The following STX5 variants were observed in gnomAD, a reference collection of about 807,000 sequenced individuals.
The protein encoded by STX5 is syntaxin 5, also known as syntaxin-5.
A neutral mutation model predicts 42.9 loss-of-function variants in STX5; 15 were observed. The ratio of observed to expected loss-of-function variants is 0.35; its 90% CI spans 0.23 to 0.54. The LOEUF is 0.54. STX5 is among the 20% of genes least tolerant of loss of function. The pLI is 0.91. For synonymous variants in STX5, 184 were observed against 173.2 expected, an observed-to-expected ratio of 1.06 and a Z score of -0.49; for missense variants, 430 against 455.0, an observed-to-expected ratio of 0.95 and a Z score of 0.50.
At chr11:62,827,763 G>C (rs1190887530) in intron 2 of STX5, 132 bp from the exon 3 acceptor site, 1 of 926,482 alleles carries the variant, frequency 1.1e-6, no homozygotes, top group African/African-American at 1.6e-5. Context: ...ATTTATGAGT[G>C]GTAGTCGTTT....
chr11:62,809,983 C>A (rs12798919), intron 10 of STX5, among the ~76,000 whole-genome samples: 1 of 150,292 alleles, frequency 6.7e-6, no homozygotes, highest in East Asian at 2.0e-4. Context: ...GCACCTGTAA[C>A]CCCAGCTACT....
chr11:62,830,834 T>C (rs2084848494), intron 2 of STX5, among the ~76,000 whole-genome samples, 185 bp downstream of exon 2: 1 of 152,138 alleles, frequency 6.6e-6, no homozygotes, highest in African/African-American at 2.4e-5. Context: ...AAAGTCTAAG[T>C]CCTTGCCCCT....
Position 62,825,074 on chromosome 11 carries a change from G to A in STX5, c.641C>T (p.Ala214Val), listed in dbSNP as rs765980415. 2.5e-6 allele frequency: 4 copies of A among 1,613,766 alleles called. No homozygotes were observed. The East Asian group carries it at 8.9e-5, about 36-fold the overall frequency. The change falls in exon 8 of 11, where the codon GCA becomes GTA. Residue 214 changes from alanine (A) to valine (V), a missense_variant. Ala to Val is a moderately conservative substitution (Grantham distance 64). Coordinates refer to ENST00000294179, the MANE Select transcript of STX5 (RefSeq NM_003164.5). Reference sequence around the variant, plus strand: ...GGCAAGGGGCAGGGCTGACACAGGTGCCCGGGAGAACTGCTCTCTCCGGCT... The same window carrying A: ...GGCAAGGGGCAGGGCTGACACAGGTACCCGGGAGAACTGCTCTCTCCGGCT... ...QRSRREQFSRAPVSALPLAPN... is the reference protein window; with the variant it reads ...QRSRREQFSRVPVSALPLAPN...
At position 62,807,441 on chromosome 11, in the gene STX5, C is replaced by T; in HGVS notation, c.*28G>A. On this transcript the variant is annotated 3_prime_UTR_variant, in exon 11 of 11. Coordinates refer to ENST00000294179, the MANE Select transcript of STX5 (RefSeq NM_003164.5). ...GCCTTCCCAGGAGGGTCCCAAACCC[C>T]AACAGAGTGCCTCAGAGTAGAGAGG... 2 of 1,609,336 alleles carry T rather than the reference C, an allele frequency of 1.2e-6. No homozygotes were observed. The highest frequency in any genetic ancestry group is 1.7e-6 in the Non-Finnish European group (2 of 1,177,298).
At chr11:62,820,732 G>C (rs1453426011) in intron 10 of STX5, among the ~76,000 whole-genome samples, 1 of 151,360 alleles carries the variant, frequency 6.6e-6, no homozygotes, top group Non-Finnish European at 1.5e-5. Context: ...GGATGGTCTC[G>C]ATCTCCTGAC....
intron 10 of STX5, among the ~76,000 whole-genome samples, chr11:62,813,094 A>C (rs1158342548): frequency 9.5e-6 from 1 of 104,972 alleles, no homozygotes; most frequent in Non-Finnish European, 1.9e-5. Context: ...ACTCCGTCTC[A>C]AAAAAAAAAA....
chr11:62,830,905 C>T (rs899833970), intron 2 of STX5, 114 bp downstream of exon 2: 1 of 988,598 alleles, frequency 1.0e-6, no homozygotes, highest in Non-Finnish European at 1.6e-6. Flanking sequence ...CCATCCAAGC[C>T]TATCAGTTCC....
At chr11:62,819,256 A>G (rs1469583999) in intron 10 of STX5, among the ~76,000 whole-genome samples, 1 of 122,344 alleles carries the variant, frequency 8.2e-6, no homozygotes, top group African/African-American at 3.3e-5. Context: ...AAAAAAAAAA[A>G]GAAGGTGAAA....
intron 4 of STX5, 29 bp from the exon 5 acceptor site, chr11:62,827,254 G>A: frequency 6.2e-7 from 1 of 1,613,954 alleles, no homozygotes. Flanking sequence ...AGCCACAATG[G>A]GTGAGGTCAA....
chr11:62,832,011 C>T lies in STX5; in HGVS notation c.-77G>A, dbSNP rs750608205. On this transcript the variant is annotated 5_prime_UTR_variant, in exon 1 of 11. Coordinates refer to ENST00000294179, the MANE Select transcript of STX5 (RefSeq NM_003164.5). ...CCAATCTCACCGGCCGTCACTGCCT[C>T]CTCCCCGAGCACTGAAGCCGCCGAA... 2.1e-6 allele frequency: 1 copy of T among 472,992 alleles called. No individual in the cohort carries two copies. The highest frequency in any genetic ancestry group is 1.5e-5 in the South Asian group (1 of 64,724). The allele number at this position is 472,992 out of a possible 1,614,324, so 29.3% of individuals were successfully genotyped here.
At chr11:62,817,359 C>T (rs569637978) in intron 10 of STX5, among the ~76,000 whole-genome samples, 1 of 152,296 alleles carries the variant, frequency 6.6e-6, no homozygotes, top group East Asian at 1.9e-4. Context: ...GTTCTGCTTC[C>T]AGTAATGCCT....
chr11:62,824,485 G>T lies in STX5; in HGVS notation c.760C>A (p.Gln254Lys), dbSNP rs1300004602. ...TGCTCGTCAATGAGCTGCAGCTGCT[G>T]GCTGGTCCGAGAGTCCATCATGTCG... ...AIDMMDSRTSQQLQLIDEQDS... is the reference protein window; with the variant it reads ...AIDMMDSRTSKQLQLIDEQDS... Residue 254 changes from glutamine to lysine, a missense_variant, in exon 9 of 11, where the codon CAG becomes AAG. Physicochemically the swap from Gln to Lys is moderately conservative, Grantham distance 53. Transcript: ENST00000294179. 6.2e-7 allele frequency: 1 copy of T among 1,614,184 alleles called. No homozygotes were observed. Among genetic ancestry groups the T allele is most frequent in the Admixed American group, 1.7e-5 (1 of 60,018 alleles).
chr11:62,831,263 C>G lies in STX5; in HGVS notation c.-19-1G>C. 1 of 1,549,000 alleles carries G rather than the reference C, an allele frequency of 6.5e-7. No homozygotes were observed. The highest frequency in any genetic ancestry group is 2.4e-5 in the East Asian group (1 of 41,650). ...GATCATTGAGACGCATAACCTCGGA[C>G]TGTTGTGGAGGGGAGAGTGTCATTC... On this transcript the variant is annotated splice_acceptor_variant, in intron 1 of 10. Coordinates refer to ENST00000294179, the MANE Select transcript of STX5 (RefSeq NM_003164.5). LOFTEE classifies it low-confidence loss of function (5UTR_SPLICE).
intron 10 of STX5, among the ~76,000 whole-genome samples, chr11:62,817,794 G>C (rs1005013317): frequency 5.9e-5 from 9 of 151,970 alleles, no homozygotes; most frequent in African/African-American, 2.2e-4. Context: ...TTCACCAAAT[G>C]GGCTTAACAG....
chr11:62,824,805 T>A (rs1012103728), intron 8 of STX5, among the ~76,000 whole-genome samples: 4 of 152,098 alleles, frequency 2.6e-5, no homozygotes, highest in African/African-American at 9.7e-5. Context: ...CGAAAAAAAA[T>A]TAGAAATTAT....
chr11:62,824,041 G>GT lies in STX5; in HGVS notation c.908+124dup, dbSNP rs1158484144. 3 of 1,484,436 alleles carry GT rather than the reference G, an allele frequency of 2.0e-6. 1 individual carries two copies. Among genetic ancestry groups the GT allele is most frequent in the Non-Finnish European group, 9.2e-7 (1 of 1,088,820 alleles). 92.0% of individuals were successfully genotyped at this position (1,484,436 alleles called of 1,614,324 possible). On this transcript the variant is annotated intron_variant, in intron 10 of 10. Transcript: ENST00000294179. The stretch of plus-strand genomic sequence containing the variant: ...GGGTGGATGGAAGCAGGTGAACTGG[G>GT]TCCCATGGGTGGGCAGAATTCACTC...
In STX5 at chr11:62,831,088, G is replaced by T. The variant is rs1345197382; in HGVS notation, c.156C>A (p.Pro52=). 3 of 1,555,622 alleles carry T rather than the reference G, an allele frequency of 1.9e-6. No individual in the cohort carries two copies. Among genetic ancestry groups the T allele is most frequent in the African/African-American group, 2.7e-5 (2 of 73,596 alleles). ...PPPVTLVPPP[P]DTMSCRDRTQ... ...TCCGATCCCGGCAGGACATGGTGTC[G>T]GGAGGGGGAGGGACGAGGGTCACTG... is the stretch of plus-strand genomic sequence containing the variant. Residue 52 remains proline (P), a synonymous_variant, in exon 2 of 11, where the codon CCC becomes CCA. Transcript: ENST00000294179.
In STX5 at chr11:62,823,286, C is replaced by T. The variant is rs191781386; in HGVS notation, c.908+880G>A. Among the ~76,000 whole-genome samples the T allele has an allele frequency of 2.7e-4, 41 of 152,002 alleles. 1 individual carries two copies. The East Asian group carries it at 7.5e-3, about 28-fold the overall frequency. Reference sequence around the variant, plus strand: ...ACCTCCCATGCTTAAGTCATCCTCCCGCCTCAGCCTCCCGAGTAGCTGGAA... The same window carrying T: ...ACCTCCCATGCTTAAGTCATCCTCCTGCCTCAGCCTCCCGAGTAGCTGGAA... On this transcript the variant is annotated intron_variant, in intron 10 of 10. Transcript: ENST00000294179.
chr11:62,823,043 G>A lies in STX5; in HGVS notation c.908+1123C>T, dbSNP rs1293235875. On this transcript the variant is annotated intron_variant, in intron 10 of 10. Coordinates refer to ENST00000294179, the MANE Select transcript of STX5 (RefSeq NM_003164.5). ...TGTCCCATCACAAGGCTTTGCTCTAGCTGTCTCCTCGGCCTAGAACACTCT... is the reference window on the plus strand; with the variant it reads ...TGTCCCATCACAAGGCTTTGCTCTAACTGTCTCCTCGGCCTAGAACACTCT... Among the ~76,000 whole-genome samples, 8 of 152,256 alleles carry A rather than the reference G, an allele frequency of 5.3e-5. No individual in the cohort carries two copies. The East Asian group carries it at 1.5e-3, about 29-fold the overall frequency.
Sources: gnomAD v4.1 joint callset for allele counts (sites outside exome capture counted in the v4.1 genomes callset) on GRCh38, gnomAD v4.1.1 for gene constraint, MANE v1.5 for transcripts, NCBI Gene and HGNC (gene_info 2026-07-23, HGNC 2026-07-21) for gene names.